DGKB: variants seen among roughly 807,000 people sequenced by gnomAD.
DGKB encodes the protein 90 kDa diacylglycerol kinase.
A neutral mutation model predicts 114.3 loss-of-function variants in DGKB; 67 were observed. That is an observed-to-expected ratio of 0.59 (90% CI 0.48 to 0.72). The LOEUF (loss-of-function observed/expected upper bound fraction) is 0.72. Among genes scored for constraint, DGKB ranks in the 30% least tolerant of loss-of-function variants. DGKB has a pLI of 0.00. For missense variants in DGKB, 907 were observed against 975.2 expected (o/e 0.93, Z 0.93); for synonymous variants, 398 against 323.1 (o/e 1.23, Z -2.49).
At chr7:14,683,627 A>G (rs1463901969) in intron 10 of DGKB, among the ~76,000 whole-genome samples, 1 of 152,106 alleles carries the variant, frequency 6.6e-6, no homozygotes, top group African/African-American at 2.4e-5. Flanking sequence ...GTTCCAGATT[A>G]AGGGTTCTAA....
chr7:14,517,429 AT>A, intron 20 of DGKB, among the ~76,000 whole-genome samples: 2 of 152,092 alleles, frequency 1.3e-5, no homozygotes, highest in South Asian at 4.1e-4. Flanking sequence ...ACCACAAGCA[AT>A]TGCAAAAAGA....
At chr7:14,923,037 T>C (rs191493230) in intron 1 of DGKB, among the ~76,000 whole-genome samples, 18 of 152,314 alleles carry the variant, frequency 1.2e-4, no homozygotes, top group African/African-American at 4.1e-4. Flanking sequence ...CAGCTTCTGG[T>C]AACCATTCTT....
At chr7:14,840,699 A>AACACACACAC (rs57577998) in intron 2 of DGKB, among the ~76,000 whole-genome samples, 9 of 130,190 alleles carry the variant, frequency 6.9e-5, no homozygotes, top group African/African-American at 2.4e-4. Context: ...ACTCTCTTTT[A>AACACACACAC]ACACACACAC....
chr7:14,781,547 T>C (rs17168426), intron 2 of DGKB, among the ~76,000 whole-genome samples: 3,254 of 152,276 alleles, frequency 0.021, 86 homozygotes, highest in African/African-American at 0.07. Context: ...TTTCTCTTAA[T>C]CACAATTTTT....
chr7:14,323,471 A>G (rs182424942), intron 23 of DGKB, among the ~76,000 whole-genome samples: 103 of 152,304 alleles, frequency 6.8e-4, no homozygotes, highest in Non-Finnish European at 1.1e-3. Flanking sequence ...GAGAGGGAGT[A>G]GGGAATCGGA....
intron 1 of DGKB, among the ~76,000 whole-genome samples, chr7:14,861,946 T>C (rs1328834282): frequency 1.3e-5 from 2 of 151,990 alleles, no homozygotes; most frequent in Non-Finnish European, 2.9e-5. Flanking sequence ...AGGTGATGCG[T>C]CACCGTTTTC....
At chr7:14,728,422 C>T (rs1466509019) in intron 5 of DGKB, among the ~76,000 whole-genome samples, 1 of 152,186 alleles carries the variant, frequency 6.6e-6, no homozygotes, top group Non-Finnish European at 1.5e-5. Context: ...CTCGCCTCTT[C>T]TGCAGAAGCA....
At chr7:14,482,741 T>C (rs1480469524) in intron 20 of DGKB, among the ~76,000 whole-genome samples, 1 of 152,116 alleles carries the variant, frequency 6.6e-6, no homozygotes, top group African/African-American at 2.4e-5. Context: ...TGATAGTGTT[T>C]ACCTGAATGT....
At chr7:14,292,289 C>G (rs748679034) in intron 23 of DGKB, among the ~76,000 whole-genome samples, 1 of 152,052 alleles carries the variant, frequency 6.6e-6, no homozygotes, top group Non-Finnish European at 1.5e-5. Flanking sequence ...CCTACGGGGT[C>G]TTCTCTTGCA....
intron 23 of DGKB, among the ~76,000 whole-genome samples, chr7:14,334,403 C>A (rs994915367): frequency 8.3e-6 from 1 of 121,048 alleles, no homozygotes. Context: ...TGTGCGCGCG[C>A]GTGTATGTGG....
chr7:14,582,254 G>T (rs929783668), intron 18 of DGKB, among the ~76,000 whole-genome samples: 3 of 152,080 alleles, frequency 2.0e-5, no homozygotes, highest in African/African-American at 7.2e-5. Flanking sequence ...GCCAATTCAT[G>T]GTCTCTTTTT....
chr7:14,940,241 A>C (rs1785497572), intron 1 of DGKB, among the ~76,000 whole-genome samples: 1 of 152,196 alleles, frequency 6.6e-6, no homozygotes, highest in African/African-American at 2.4e-5. Context: ...TGTTCTCACA[A>C]GAACACAAAT....
chr7:14,518,329 A>G (rs977986568), intron 20 of DGKB, among the ~76,000 whole-genome samples: 1 of 152,112 alleles, frequency 6.6e-6, no homozygotes, highest in Non-Finnish European at 1.5e-5. Flanking sequence ...GATTAAGAGG[A>G]GGGTAAGGAT....
intron 2 of DGKB, among the ~76,000 whole-genome samples, chr7:14,813,928 T>C (rs1843750879): frequency 6.6e-6 from 1 of 152,214 alleles, no homozygotes; most frequent in Non-Finnish European, 1.5e-5. Context: ...AAAATTTCTA[T>C]TCTATCGCCA....
At chr7:14,280,623 C>G (rs373409972) in intron 23 of DGKB, among the ~76,000 whole-genome samples, 1 of 150,954 alleles carries the variant, frequency 6.6e-6, no homozygotes, top group African/African-American at 2.4e-5. Flanking sequence ...AGGTCGGGTT[C>G]CCCTCAAAGG....
At chr7:14,184,081 A>G (rs1451399492) in intron 23 of DGKB, among the ~76,000 whole-genome samples, 1 of 152,122 alleles carries the variant, frequency 6.6e-6, no homozygotes, top group African/African-American at 2.4e-5. Flanking sequence ...AGCTGAGTCA[A>G]TTTGGAAAGC....
chr7:14,875,754 G>A (rs1853183742), intron 1 of DGKB, among the ~76,000 whole-genome samples: 1 of 151,946 alleles, frequency 6.6e-6, no homozygotes. Flanking sequence ...TGTGGCCCAG[G>A]ACAGTTTTGG....
intron 25 of DGKB, among the ~76,000 whole-genome samples, chr7:14,154,869 G>A (rs531051910): frequency 5.0e-4 from 73 of 146,434 alleles, no homozygotes; most frequent in African/African-American, 1.6e-3. Context: ...TTCGTTACAC[G>A]TGCATATACT....
intron 23 of DGKB, among the ~76,000 whole-genome samples, chr7:14,309,190 T>C (rs573446923): frequency 6.6e-6 from 1 of 152,234 alleles, no homozygotes; most frequent in African/African-American, 2.4e-5. Context: ...CACTCCAGTC[T>C]GGGTGACAGA....
Sources: allele counts gnomAD v4.1 joint callset (sites outside exome capture counted in the v4.1 genomes callset), GRCh38; gene constraint gnomAD v4.1.1; transcripts MANE v1.5; gene names NCBI Gene and HGNC (gene_info 2026-07-23, HGNC 2026-07-21).